ANKRD24: variants seen among roughly 807,000 people sequenced by gnomAD.
ANKRD24 encodes ankyrin repeat domain 24.
A neutral mutation model predicts 127.8 loss-of-function variants in ANKRD24; 109 were observed. That is an observed-to-expected ratio of 0.85 (90% CI 0.73 to 1.00). The LOEUF is 1.00. Ranked by LOEUF, ANKRD24 falls within the 50% of genes least tolerant of loss-of-function variation. ANKRD24 has a pLI of 0.00. For synonymous variants in ANKRD24, 743 were observed against 671.1 expected, an observed-to-expected ratio of 1.11 and a Z score of -1.66; for missense variants, 1,648 against 1,570.2, an observed-to-expected ratio of 1.05 and a Z score of -0.84.
rs1969656587 is a variant in ANKRD24 at position 4,210,437 on chromosome 19, C to T, written c.1059+65C>T. 5.9e-6 allele frequency: 8 copies of T among 1,348,286 alleles called. No individual in the cohort carries two copies. In the Admixed American group the frequency reaches 2.1e-4, roughly 35 times the overall value. 83.5% of individuals were successfully genotyped at this position (1,348,286 alleles called of 1,614,324 possible). A position where few individuals can be genotyped will look rare whatever the true frequency, so the allele number is the denominator to read the frequency against. On this transcript the variant is annotated intron_variant, in intron 13 of 21. Transcript: ENST00000318934. ...GTGGGGTCAATGCAGGCATGAAGAT[C>T]CCCCTACTTTTCTCCCACCTTCCCT...
At position 4,198,569 on chromosome 19, in the gene ANKRD24, C is replaced by T. The variant is rs1968905523; in HGVS notation, c.37-1114C>T. The T allele has an allele frequency of 2.0e-6, 1 of 502,692 alleles. No homozygotes were observed. The highest frequency in any genetic ancestry group is 3.5e-6 in the Non-Finnish European group (1 of 282,728). 31.1% of individuals were successfully genotyped at this position (502,692 alleles called of 1,614,324 possible). ...GGAGGGGGCGCAGGAGCGGGCGGGG[C>T]GCGGGTACCTCCTCTCCCCTCCCTT... On this transcript the variant is annotated intron_variant, in intron 2 of 21. Transcript: ENST00000318934. The surrounding 1 kb of genome is among the most constrained non-coding windows in gnomAD (Gnocchi z 6.1).
intron 2 of ANKRD24, among the ~76,000 whole-genome samples, chr19:4,194,846 G>A (rs1968606241): frequency 6.6e-6 from 1 of 152,156 alleles, no homozygotes; most frequent in African/African-American, 2.4e-5. Context: ...GGCTTGGCCG[G>A]TGGACCGAGT....
Position 4,216,063 on chromosome 19 carries a change from C to A in ANKRD24, c.1270+13C>A. 1 of 1,584,480 alleles carries A rather than the reference C, an allele frequency of 6.3e-7. No homozygotes were observed. ...CCTGACCTTCCAGGTGAGCCCCCAC[C>A]TCCCCACGCACTCCCAGCCGCCTTG... On this transcript the variant is annotated intron_variant, in intron 16 of 21. Transcript: ENST00000318934.
intron 10 of ANKRD24, among the ~76,000 whole-genome samples, chr19:4,208,274 T>C (rs1969509130): frequency 6.6e-6 from 1 of 151,946 alleles, no homozygotes; most frequent in Admixed American, 6.6e-5. Context: ...GAGGCCGAGG[T>C]GGGCGAATCA....
intron 7 of ANKRD24, 26 bp downstream of exon 7, chr19:4,202,952 A>C (rs1347711264): frequency 1.3e-6 from 2 of 1,534,266 alleles, no homozygotes; most frequent in Non-Finnish European, 1.8e-6. Flanking sequence ...CCCTGCCCTG[A>C]CCCCGAAGCC....
At position 4,207,551 on chromosome 19, in the gene ANKRD24, G is replaced by C. The variant is rs940817350; in HGVS notation, c.588G>C (p.Leu196=). ...IIAAQMCHTD[L]CRLLLQQGAA... ...CAGCTCAGATGTGTCACACAGACCT[G>C]TGCCGTCTCCTACTGCAGCAAGGGG... Residue 196 remains leucine, a synonymous_variant, in exon 9 of 22, where the codon CTG becomes CTC. Coordinates refer to ENST00000318934, the MANE Select transcript of ANKRD24 (RefSeq NM_001393985.1). 8.7e-6 allele frequency: 14 copies of C among 1,613,808 alleles called. No homozygotes were observed. Among genetic ancestry groups the C allele is most frequent in the Middle Eastern group, 1.6e-4 (1 of 6,084 alleles).
Position 4,210,296 on chromosome 19 carries a change from G to A in ANKRD24, c.983G>A (p.Arg328Lys). The change falls in exon 13 of 22, where the codon AGG becomes AAG. Residue 328 changes from arginine (R) to lysine (K), a missense_variant. Transcript: ENST00000318934. ...DDRDAYEEIV[R>K]LRQERGRLLQ... ...CGAGATGCCTATGAGGAGATCGTGAGGCTGCGGCAGGAGAGGGGCCGCCTC... is the reference window on the plus strand; with the variant it reads ...CGAGATGCCTATGAGGAGATCGTGAAGCTGCGGCAGGAGAGGGGCCGCCTC... The A allele has an allele frequency of 6.3e-7, 1 of 1,588,130 alleles. No homozygotes were observed. Among genetic ancestry groups the A allele is most frequent in the South Asian group, 1.2e-5 (1 of 86,934 alleles).
chr19:4,213,788 T>C (rs933505266), intron 15 of ANKRD24, among the ~76,000 whole-genome samples: 2 of 151,312 alleles, frequency 1.3e-5, no homozygotes, highest in African/African-American at 4.9e-5. Context: ...GCGCACACCA[T>C]CACACCCGGC....
intron 2 of ANKRD24, among the ~76,000 whole-genome samples, chr19:4,187,242 G>A (rs1968115010): frequency 6.6e-6 from 1 of 152,030 alleles, no homozygotes. Flanking sequence ...GTGAAACGTT[G>A]TCTCTACTAA....
At position 4,224,453 on chromosome 19, in the gene ANKRD24, G is replaced by A. The variant is rs775639949; in HGVS notation, c.3389G>A (p.Arg1130Gln). ...GGCCAGATGGATGAAGATGTGCAGC[G>A]GATTCTCAGCCAGATTCTGCAGATG... ...IQGQMDEDVQ[R>Q]ILSQILQMQR... The change falls in exon 22 of 22, where the codon CGG becomes CAG. Residue 1130 changes from arginine to glutamine, a missense_variant. Physicochemically the swap from Arg to Gln is conservative, Grantham distance 43 (BLOSUM62 1). Transcript: ENST00000318934. 2.0e-5 allele frequency: 33 copies of A among 1,613,190 alleles called. No homozygotes were observed. Among genetic ancestry groups the A allele is most frequent in the East Asian group, 4.5e-5 (2 of 44,866 alleles).
rs949563393 is a variant in ANKRD24 at position 4,195,238 on chromosome 19, A to G, written c.37-4445A>G. 2.6e-5 allele frequency among the ~76,000 whole-genome samples: 4 copies of G among 151,682 alleles called. No individual in the cohort carries two copies. Among genetic ancestry groups the G allele is most frequent in the Non-Finnish European group, 4.4e-5 (3 of 67,940 alleles). On this transcript the variant is annotated intron_variant, in intron 2 of 21. Coordinates refer to ENST00000318934, the MANE Select transcript of ANKRD24 (RefSeq NM_001393985.1). This position sits in a 1 kb window ranked among gnomAD's most constrained non-coding sequence, Gnocchi z 4.2. ...CAGGCGCCCACCACCACGCCCGGCT[A>G]ATTTTTTGTATTTTTAGTAGAGACG... is the stretch of plus-strand genomic sequence containing the variant.
At chr19:4,208,737 C>T (rs1190159761) in intron 10 of ANKRD24, 27 bp from the exon 11 acceptor site, 3 of 1,608,930 alleles carry the variant, frequency 1.9e-6, no homozygotes, top group Non-Finnish European at 2.5e-6. Flanking sequence ...GAACAGAATG[C>T]CTGACCCTGC....
At position 4,224,438 on chromosome 19, in the gene ANKRD24, A is replaced by G. The variant is rs749722985; in HGVS notation, c.3374A>G (p.Asp1125Gly). ...CTCCCCCAACCCTAGGGCCAGATGG[A>G]TGAAGATGTGCAGCGGATTCTCAGC... Reference protein sequence around the residue: ...HLLYAIQGQMDEDVQRILSQI... With the variant: ...HLLYAIQGQMGEDVQRILSQI... The change falls in exon 22 of 22, where the codon GAT becomes GGT. Residue 1125 changes from aspartate (D) to glycine (G), a missense_variant. Asp to Gly is a moderately conservative substitution (Grantham distance 94, BLOSUM62 -1). Transcript: ENST00000318934. 1.1e-5 allele frequency: 17 copies of G among 1,613,394 alleles called. No individual in the cohort carries two copies. Among genetic ancestry groups the G allele is most frequent in the Non-Finnish European group, 1.4e-5 (16 of 1,179,724 alleles).
At chr19:4,192,236 C>T (rs1968424567) in intron 2 of ANKRD24, among the ~76,000 whole-genome samples, 1 of 152,156 alleles carries the variant, frequency 6.6e-6, no homozygotes, top group Non-Finnish European at 1.5e-5. Flanking sequence ...CCTGCCTTTA[C>T]TTTAGGTTTC....
Position 4,217,494 on chromosome 19 carries a change from G to T in ANKRD24, c.2334G>T (p.Gly778=). The change falls in exon 18 of 22, where the codon GGG becomes GGT. Residue 778 remains glycine (G), a synonymous_variant. Transcript: ENST00000318934. ...VREAEGSGAS[G]GGGGDTTQLR... ...AGGCCGAGGGCAGCGGGGCCAGCGG[G>T]GGCGGTGGCGGTGACACCACACAGC... 7.1e-7 allele frequency: 1 copy of T among 1,409,518 alleles called. No homozygotes were observed. The highest frequency in any genetic ancestry group is 1.6e-5 in the South Asian group (1 of 64,120). 87.3% of individuals were successfully genotyped at this position (1,409,518 alleles called of 1,614,324 possible).
rs1361989027 is a variant in ANKRD24 at position 4,217,571 on chromosome 19, G to A, written c.2411G>A (p.Arg804His). The A allele has an allele frequency of 1.5e-6, 2 of 1,309,390 alleles. No homozygotes were observed. The highest frequency in any genetic ancestry group is 1.9e-6 in the Non-Finnish European group (2 of 1,033,330). The allele number at this position is 1,309,390 out of a possible 1,614,324, so 81.1% of individuals were successfully genotyped here. ...AREDLRDRDS[R>H]LRELEAASAC... The stretch of plus-strand genomic sequence containing the variant: ...GAGGACCTCCGAGACCGGGACTCCC[G>A]CCTGCGGGAGCTGGAGGCGGCCTCG... Residue 804 changes from arginine (R) to histidine (H), a missense_variant, in exon 18 of 22, where the codon CGC becomes CAC. Arg to His is a conservative substitution (Grantham distance 29). Coordinates refer to ENST00000318934, the MANE Select transcript of ANKRD24 (RefSeq NM_001393985.1).
intron 2 of ANKRD24, among the ~76,000 whole-genome samples, chr19:4,196,175 A>C (rs903336937): frequency 6.6e-6 from 1 of 152,154 alleles, no homozygotes; most frequent in Non-Finnish European, 1.5e-5. Flanking sequence ...CCTATTATCT[A>C]TCTCATTTAA....
At chr19:4,215,480 A>G (rs1011914031) in intron 15 of ANKRD24, among the ~76,000 whole-genome samples, 3 of 151,036 alleles carry the variant, frequency 2.0e-5, no homozygotes, top group Admixed American at 2.0e-4. Flanking sequence ...AAAAAAAAAA[A>G]ATAGGGCCAG....
At chr19:4,191,492 T>C (rs1968382672) in intron 2 of ANKRD24, among the ~76,000 whole-genome samples, 1 of 152,102 alleles carries the variant, frequency 6.6e-6, no homozygotes. Context: ...TATTTATTTA[T>C]TTATTTTTGG....
Sources: gnomAD v4.1 joint callset for allele counts (sites outside exome capture counted in the v4.1 genomes callset) on GRCh38, gnomAD v4.1.1 for gene constraint, Gnocchi (gnomAD v3.1) non-coding constraint, MANE v1.5 for transcripts, NCBI Gene and HGNC (gene_info 2026-07-23, HGNC 2026-07-21) for gene names.